JADE3: variants seen among roughly 807,000 people sequenced by gnomAD.
The protein encoded by JADE3 is protein Jade-3.
JADE3 carries 2 observed loss-of-function variants against 50.1 expected under a neutral mutation model. The observed-to-expected ratio is 0.04, with a 90% CI of 0.02 to 0.13. The LOEUF is 0.13. Ranked by LOEUF, JADE3 falls within the 10% of genes least tolerant of loss-of-function variation. The probability of loss-of-function intolerance (pLI) is 1.00; values close to 1 mark genes in which losing one functional copy is unlikely to be tolerated. For synonymous variants in JADE3, 218 were observed against 232.9 expected, an observed-to-expected ratio of 0.94 and a Z score of 0.58; for missense variants, 475 against 634.4, an observed-to-expected ratio of 0.75 and a Z score of 2.70.
rs372414267 is a variant in JADE3 at position 46,974,434 on chromosome X, C to T, written c.-11-10450C>T. On this transcript the variant is annotated intron_variant, in intron 1 of 10. Coordinates refer to ENST00000614628, the MANE Select transcript of JADE3 (RefSeq NM_014735.5). ...AAAAAAAGTTTGGGAGGTTCTTTGA[C>T]CACATGGGCAGGAATTCACCCTTCG... Among the ~76,000 whole-genome samples, 71 of 110,754 alleles carry T rather than the reference C, an allele frequency of 6.4e-4. No individual in the cohort carries two copies. The South Asian group carries it at 0.025, about 38-fold the overall frequency.
chrX:46,915,396 A>C (rs1282433299), intron 1 of JADE3, among the ~76,000 whole-genome samples: 2 of 112,238 alleles, frequency 1.8e-5, no homozygotes, highest in African/African-American at 3.2e-5. Context: ...CTTGTCCCAC[A>C]ATATAGGTGA....
At chrX:46,972,416 G>C (rs1556350652) in intron 1 of JADE3, among the ~76,000 whole-genome samples, 2 of 111,134 alleles carry the variant, frequency 1.8e-5, no homozygotes, top group Admixed American at 9.6e-5. Context: ...GGCTGATCTC[G>C]AACTCCTGAC....
intron 4 of JADE3, among the ~76,000 whole-genome samples, chrX:47,001,045 CTCTT>C (rs1556358961): frequency 1.8e-5 from 2 of 111,554 alleles, no homozygotes; most frequent in Non-Finnish European, 1.9e-5. Flanking sequence ...TCATACGAAA[CTCTT>C]AATTTTAATG....
intron 8 of JADE3, among the ~76,000 whole-genome samples, chrX:47,044,285 G>T (rs781791317): frequency 1.2e-3 from 135 of 111,743 alleles, no homozygotes; most frequent in Non-Finnish European, 1.9e-3. Flanking sequence ...AACAGCAAGA[G>T]AAAAGAAACA....
chrX:46,952,602 A>G (rs1927029328), intron 1 of JADE3, among the ~76,000 whole-genome samples: 1 of 112,242 alleles, frequency 8.9e-6, no homozygotes, highest in Non-Finnish European at 1.9e-5. Flanking sequence ...CTACTTTTCC[A>G]GGGCTTTCCT....
chrX:47,052,210 GC>G (rs200313123), intron 8 of JADE3, among the ~76,000 whole-genome samples: 36 of 105,787 alleles, frequency 3.4e-4, no homozygotes, highest in South Asian at 8.3e-4. Context: ...TTCCCCCTTT[GC>G]CCCCCCCTAT....
At chrX:46,984,328 A>C (rs943520550) in intron 1 of JADE3, among the ~76,000 whole-genome samples, 1 of 112,222 alleles carries the variant, frequency 8.9e-6, no homozygotes, top group South Asian at 3.7e-4. Context: ...TAGTGTATAT[A>C]TAATTTTGAC....
At chrX:47,018,561 C>T (rs1249061960) in intron 4 of JADE3, among the ~76,000 whole-genome samples, 1 of 111,657 alleles carries the variant, frequency 9.0e-6, no homozygotes, top group Non-Finnish European at 1.9e-5. Flanking sequence ...GTCTCGATCT[C>T]CTGACCTCGT....
intron 1 of JADE3, among the ~76,000 whole-genome samples, chrX:46,931,865 A>G (rs893965938): frequency 8.9e-6 from 1 of 112,116 alleles, no homozygotes; most frequent in African/African-American, 3.2e-5. Flanking sequence ...ACTTGCATAT[A>G]ATAGGCACTC....
chrX:46,916,049 TTTTTGTTTTG>T lies in JADE3; in HGVS notation c.-12+3351_-12+3360del, dbSNP rs781846975. 3.2e-3 allele frequency among the ~76,000 whole-genome samples: 358 copies of T among 112,077 alleles called. 3 individuals are homozygous for T. Among genetic ancestry groups the T allele is most frequent in the African/African-American group, 9.4e-3 (290 of 30,872 alleles). ...AGGAAACCCAAGCCTAGAATGTGTT[TTTTTGTTTTG>T]TTTTGTTTTGTTTTGTTTTGAGACA... On this transcript the variant is annotated intron_variant, in intron 1 of 10. Coordinates refer to ENST00000614628, the MANE Select transcript of JADE3 (RefSeq NM_014735.5).
At chrX:46,955,609 G>A (rs183593801) in intron 1 of JADE3, among the ~76,000 whole-genome samples, 2 of 111,383 alleles carry the variant, frequency 1.8e-5, no homozygotes, top group African/African-American at 6.5e-5. Flanking sequence ...ATCTTTTGAA[G>A]TTTTCCTTGG....
chrX:47,041,554 T>A (rs782215542), intron 8 of JADE3, among the ~76,000 whole-genome samples: 70 of 108,723 alleles, frequency 6.4e-4, no homozygotes, highest in South Asian at 1.6e-3. Context: ...ATTTAAAAAA[T>A]TTTTTTTTTG....
rs782166569 is a variant in JADE3 at position 47,013,577 on chromosome X, G to A, written c.285-11147G>A. Among the ~76,000 whole-genome samples the A allele has an allele frequency of 1.1e-4, 12 of 111,928 alleles. No homozygotes were observed. In the South Asian group the frequency reaches 1.9e-3, roughly 17 times the overall value. On this transcript the variant is annotated intron_variant, in intron 4 of 10. Coordinates refer to ENST00000614628, the MANE Select transcript of JADE3 (RefSeq NM_014735.5). Reference sequence around the variant, plus strand: ...TTAGTTCTTCCCTAGAGAACTGAGCGTCCTGGGAATTTAACCATGTCAGTG... The same window carrying A: ...TTAGTTCTTCCCTAGAGAACTGAGCATCCTGGGAATTTAACCATGTCAGTG...
chrX:47,054,077 G>C, intron 8 of JADE3, 81 bp from the exon 9 acceptor site: 1 of 632,369 alleles, frequency 1.6e-6, no homozygotes, highest in Non-Finnish European at 2.4e-6. Flanking sequence ...CTTCCTACAA[G>C]CTATCAATTT....
chrX:47,000,388 G>A (rs1374433543), intron 4 of JADE3, among the ~76,000 whole-genome samples: 4 of 110,904 alleles, frequency 3.6e-5, no homozygotes, highest in African/African-American at 6.6e-5. Flanking sequence ...CTTTAGTCTC[G>A]TTGGTAAGTC....
intron 2 of JADE3, 102 bp downstream of exon 2, chrX:46,985,042 T>C: frequency 1.5e-6 from 1 of 661,716 alleles, no homozygotes; most frequent in Non-Finnish European, 2.4e-6. Flanking sequence ...TTTCAATGGT[T>C]GAAAAATGTT....
chrX:47,032,539 A>G (rs1313678236), intron 6 of JADE3, among the ~76,000 whole-genome samples: 1 of 110,791 alleles, frequency 9.0e-6, no homozygotes, highest in East Asian at 2.9e-4. Context: ...TGCAGGGGGA[A>G]AAAGAAAATG....
At chrX:47,049,635 A>G (rs1416858583) in intron 8 of JADE3, among the ~76,000 whole-genome samples, 1 of 103,012 alleles carries the variant, frequency 9.7e-6, no homozygotes, top group African/African-American at 3.6e-5. Context: ...TTGTAGAGAC[A>G]GGGTTTCGTC....
chrX:46,921,437 C>T (rs782203056), intron 1 of JADE3, among the ~76,000 whole-genome samples: 2 of 111,163 alleles, frequency 1.8e-5, no homozygotes, highest in East Asian at 2.8e-4. Flanking sequence ...TTAACTTGTT[C>T]CAATCTTGGA....
Sources: gnomAD v4.1 joint callset for allele counts (sites outside exome capture counted in the v4.1 genomes callset) on GRCh38, gnomAD v4.1.1 for gene constraint, MANE v1.5 for transcripts, NCBI Gene and HGNC (gene_info 2026-07-23, HGNC 2026-07-21) for gene names.